The following LRP1B variants were observed in gnomAD, a reference collection of about 807,000 sequenced individuals.
The protein encoded by LRP1B is LDL receptor related protein 1B, also known as low-density lipoprotein receptor-related protein 1B.
In LRP1B, 217 loss-of-function variants were observed where a neutral mutation model predicts 556.6. The ratio of observed to expected loss-of-function variants is 0.39; its 90% confidence interval spans 0.35 to 0.44. The LOEUF is 0.44. LRP1B is among the 20% of genes least tolerant of loss of function. The pLI is 1.00. For missense variants in LRP1B, 5,053 were observed against 5,620.8 expected (o/e 0.90, Z 3.23); for synonymous variants, 2,047 against 1,865.8 (o/e 1.10, Z -2.50).
chr2:140,645,327 CTTAA>C (rs1684440493), intron 41 of LRP1B, among the ~76,000 whole-genome samples: 1 of 151,944 alleles, frequency 6.6e-6, no homozygotes, highest in South Asian at 2.1e-4. Context: ...GTCACTTTTA[CTTAA>C]TTATAGCATA....
At chr2:141,395,364 T>C (rs543477745) in intron 3 of LRP1B, among the ~76,000 whole-genome samples, 1 of 152,122 alleles carries the variant, frequency 6.6e-6, no homozygotes, top group Non-Finnish European at 1.5e-5. Context: ...GATACACAAG[T>C]TCTTATTATT....
intron 2 of LRP1B, among the ~76,000 whole-genome samples, chr2:141,557,088 A>C (rs1386939205): frequency 2.6e-5 from 4 of 151,882 alleles, no homozygotes; most frequent in African/African-American, 9.7e-5. Flanking sequence ...TAGTAAATAC[A>C]CACGGTAAAA....
chr2:141,922,068 T>G (rs1180607722), intron 1 of LRP1B, among the ~76,000 whole-genome samples: 1 of 152,164 alleles, frequency 6.6e-6, no homozygotes, highest in Non-Finnish European at 1.5e-5. Flanking sequence ...GAAAAGAATC[T>G]AAAGAATTCA....
intron 3 of LRP1B, among the ~76,000 whole-genome samples, chr2:141,327,697 A>G (rs1687475259): frequency 6.6e-6 from 1 of 152,220 alleles, no homozygotes. Flanking sequence ...TACATGGTCA[A>G]TGAATGTTGA....
intron 50 of LRP1B, among the ~76,000 whole-genome samples, chr2:140,515,290 T>G (rs563863150): frequency 2.4e-4 from 36 of 152,134 alleles, no homozygotes; most frequent in Admixed American, 2.2e-3. Context: ...GCAACTGTGC[T>G]GATGTTTTTG....
At chr2:141,229,117 C>A in intron 6 of LRP1B, 66 bp downstream of exon 6, 2 of 1,527,174 alleles carry the variant, frequency 1.3e-6, no homozygotes, top group East Asian at 2.3e-5. Context: ...ATTTGAGAAT[C>A]CAGCCTACGG....
chr2:140,573,514 C>A (rs1681407395), intron 43 of LRP1B, among the ~76,000 whole-genome samples: 2 of 152,010 alleles, frequency 1.3e-5, no homozygotes, highest in Non-Finnish European at 2.9e-5. Context: ...AGGAAATTAT[C>A]TTTGAGTGAT....
chr2:140,519,123 AT>A (rs1690044101), intron 49 of LRP1B, among the ~76,000 whole-genome samples: 2 of 152,176 alleles, frequency 1.3e-5, no homozygotes, highest in African/African-American at 4.8e-5. Flanking sequence ...TAAAGTCCAT[AT>A]GGAACCAAAA....
chr2:140,325,948 T>C (rs1680453972), intron 79 of LRP1B, 70 bp from the exon 80 acceptor site: 2 of 977,726 alleles, frequency 2.0e-6, no homozygotes, highest in African/African-American at 1.6e-5. Flanking sequence ...ATACTTTTGC[T>C]TCTTATTGTA....
Position 141,898,963 on chromosome 2 carries a change from A to G in LRP1B, c.83-88562T>C, listed in dbSNP as rs923378022. ...TGGTTGAAACCCACTGTCCGACTGC[A>G]TTATTATCAGGCCACAGCCTTTTGC... On this transcript the variant is annotated intron_variant, in intron 1 of 90. Transcript: ENST00000389484. 2.0e-5 allele frequency among the ~76,000 whole-genome samples: 3 copies of G among 152,266 alleles called. No individual in the cohort carries two copies. The East Asian group carries it at 5.8e-4, about 29-fold the overall frequency.
chr2:141,358,936 A>C (rs939693481), intron 3 of LRP1B, among the ~76,000 whole-genome samples: 2 of 152,176 alleles, frequency 1.3e-5, no homozygotes, highest in African/African-American at 4.8e-5. Flanking sequence ...CAAAGGAAAT[A>C]TTTACATTCT....
chr2:141,700,526 T>C (rs1387355928), intron 2 of LRP1B, among the ~76,000 whole-genome samples: 1 of 151,812 alleles, frequency 6.6e-6, no homozygotes, highest in African/African-American at 2.4e-5. Flanking sequence ...CATAAATTAT[T>C]ATGTGCACAC....
At chr2:140,430,446 G>A (rs1228770559) in intron 66 of LRP1B, among the ~76,000 whole-genome samples, 1 of 152,174 alleles carries the variant, frequency 6.6e-6, no homozygotes, top group African/African-American at 2.4e-5. Flanking sequence ...TCCAAAGGAA[G>A]CTGGAGTCAT....
Position 141,047,008 on chromosome 2 carries a change from G to A in LRP1B, c.1789+1978C>T, listed in dbSNP as rs779625892. ...GAGGCAAGGGAATCACTTAAACTTC[G>A]GAGGCGGAGGTTGCAGTGAGCCAAG... On this transcript the variant is annotated intron_variant, in intron 11 of 90. Transcript: ENST00000389484. 4.3e-4 allele frequency among the ~76,000 whole-genome samples: 54 copies of A among 125,302 alleles called. 1 individual carries two copies. The highest frequency in any genetic ancestry group is 2.3e-3 in the South Asian group (8 of 3,540). 82.2% of individuals were successfully genotyped at this position (125,302 alleles called of 152,430 possible).
intron 43 of LRP1B, among the ~76,000 whole-genome samples, chr2:140,595,088 A>ATATATC (rs1491197082): frequency 0.28 from 569 of 2,056 alleles, 22 homozygotes; most frequent in South Asian, 0.42. Context: ...TATAAATTGA[A>ATATATC]TATATATATA....
intron 66 of LRP1B, among the ~76,000 whole-genome samples, chr2:140,429,767 C>T (rs901423122): frequency 1.3e-5 from 2 of 152,136 alleles, no homozygotes; most frequent in African/African-American, 4.8e-5. Flanking sequence ...TTTTAGGCTG[C>T]CCATCATGTC....
intron 79 of LRP1B, among the ~76,000 whole-genome samples, chr2:140,326,699 CAA>C (rs66927159): frequency 1.4e-4 from 20 of 138,598 alleles, no homozygotes; most frequent in African/African-American, 3.9e-4. Flanking sequence ...CCCCCTGCCT[CAA>C]AAAAAAAAAA....
intron 3 of LRP1B, among the ~76,000 whole-genome samples, chr2:141,379,817 G>C (rs1281207561): frequency 6.6e-6 from 1 of 151,984 alleles, no homozygotes; most frequent in Non-Finnish European, 1.5e-5. Flanking sequence ...TTTCCCCCTA[G>C]GCAAGCACAG....
intron 1 of LRP1B, among the ~76,000 whole-genome samples, chr2:142,028,901 T>C (rs536722386): frequency 6.6e-6 from 1 of 152,076 alleles, no homozygotes; most frequent in South Asian, 2.1e-4. Flanking sequence ...TTGCAGTTTT[T>C]TAATGACTAA....
Sources: allele counts gnomAD v4.1 joint callset (sites outside exome capture counted in the v4.1 genomes callset), GRCh38; gene constraint gnomAD v4.1.1; transcripts MANE v1.5; gene names NCBI Gene and HGNC (gene_info 2026-07-23, HGNC 2026-07-21).